The following PCDHA3 variants were observed in gnomAD, a reference collection of about 807,000 sequenced individuals.
The protein encoded by PCDHA3 is protocadherin alpha 3.
A neutral mutation model predicts 62.2 loss-of-function variants in PCDHA3; 41 were observed. The observed-to-expected ratio is 0.66, with a 90% CI of 0.51 to 0.86. The LOEUF is 0.86. Ranked by LOEUF, PCDHA3 falls within the 40% of genes least tolerant of loss-of-function variation. PCDHA3 has a pLI of 0.00. For missense variants in PCDHA3, 1,304 were observed against 1,241.2 expected (o/e 1.05, Z -0.76); for synonymous variants, 640 against 555.4 (o/e 1.15, Z -2.14).
At chr5:140,843,111 T>TGAA (rs2150352902) in intron 1 of PCDHA3, 1 of 1,595,832 alleles carries the variant, frequency 6.3e-7, no homozygotes, top group South Asian at 1.1e-5. Context: ...GTGCGCGCAG[T>TGAA]GGACGCCGAC....
chr5:140,846,589 T>G (rs1780576072), intron 1 of PCDHA3, among the ~76,000 whole-genome samples: 1 of 148,848 alleles, frequency 6.7e-6, no homozygotes, highest in Non-Finnish European at 1.5e-5. Context: ...TTAGCCAGGA[T>G]GGTCTCGATC....
Position 140,842,470 on chromosome 5 carries a change from G to T in PCDHA3, c.2394+38879G>T, listed in dbSNP as rs2150336906. 2.9e-5 allele frequency: 47 copies of T among 1,613,802 alleles called. 1 individual carries two copies. Among genetic ancestry groups the T allele is most frequent in the South Asian group, 2.4e-4 (22 of 91,082 alleles). ...ACGACCTCGATTCAGGTGCCAACGG[G>T]CAGGTGACCTGCTCCCTGATGCCCC... is the stretch of plus-strand genomic sequence containing the variant. On this transcript the variant is annotated intron_variant, in intron 1 of 3. Transcript: ENST00000522353.
intron 1 of PCDHA3, chr5:140,834,773 T>G (rs1773277984): frequency 1.9e-6 from 3 of 1,613,730 alleles, no homozygotes; most frequent in African/African-American, 1.3e-5. Flanking sequence ...ACGACAACCC[T>G]CCGGTGTTCC....
intron 1 of PCDHA3, chr5:140,842,195 C>T (rs1165859216): frequency 1.9e-6 from 3 of 1,613,558 alleles, no homozygotes; most frequent in Non-Finnish European, 2.5e-6. Flanking sequence ...GGTTATTGAC[C>T]ACTTTAGCAT....
At chr5:141,006,216 A>T (rs6897376) in intron 3 of PCDHA3, among the ~76,000 whole-genome samples, 45,154 of 145,800 alleles carry the variant, frequency 0.31, 6,982 homozygotes, top group East Asian at 0.44. Context: ...ATTTTTTTTT[A>T]AATTTTTTAT....
chr5:140,830,040 T>C lies in PCDHA3; in HGVS notation c.2394+26449T>C, dbSNP rs2150180125. The C allele has an allele frequency of 2.5e-6, 4 of 1,613,666 alleles. No homozygotes were observed. The African/African-American group carries it at 4.0e-5, about 16-fold the overall frequency. On this transcript the variant is annotated intron_variant, in intron 1 of 3. Coordinates refer to ENST00000522353, the MANE Select transcript of PCDHA3 (RefSeq NM_018906.3). Reference sequence around the variant, plus strand: ...TCTCCGCGCCACCGGCTGCTGGTGCTGGTGAAAGACCACGGTGAGCCGGCG... The same window carrying C: ...TCTCCGCGCCACCGGCTGCTGGTGCCGGTGAAAGACCACGGTGAGCCGGCG...
chr5:140,866,006 A>AT (rs879985909), intron 1 of PCDHA3: 11 of 151,858 alleles, frequency 7.2e-5, no homozygotes, highest in East Asian at 1.9e-4. Context: ...ATGTTAAGTG[A>AT]TTTTTTTCTT....
chr5:140,970,774 A>G (rs1554232727), intron 1 of PCDHA3, among the ~76,000 whole-genome samples: 2 of 152,218 alleles, frequency 1.3e-5, no homozygotes, highest in Admixed American at 1.3e-4. Context: ...TGCTGTACAT[A>G]CATATTGTAT....
At chr5:140,823,206 T>C (rs1554129194) in intron 1 of PCDHA3, 13 of 1,613,806 alleles carry the variant, frequency 8.1e-6, no homozygotes, top group Non-Finnish European at 1.1e-5. Context: ...TCACGGTGTC[T>C]GCACGGGACG....
rs2150254480 is a variant in PCDHA3 at position 140,836,166 on chromosome 5, C to G, written c.2394+32575C>G. 9 of 1,613,708 alleles carry G rather than the reference C, an allele frequency of 5.6e-6. No homozygotes were observed. The African/African-American group carries it at 1.1e-4, about 19-fold the overall frequency. ...CGCGGGCCATGTGGTGGCGAAGGTA[C>G]GTGCAGTTGACGCTGACTCAGGCTA... On this transcript the variant is annotated intron_variant, in intron 1 of 3. Transcript: ENST00000522353.
intron 1 of PCDHA3, chr5:140,868,931 G>C: frequency 9.2e-7 from 1 of 1,092,440 alleles, no homozygotes; most frequent in Non-Finnish European, 1.3e-6. Context: ...TCATTTAAAG[G>C]TTGGTCTGAA....
In PCDHA3 at chr5:140,802,607, G is replaced by A. The variant is rs782607988; in HGVS notation, c.1410G>A (p.Pro470=). The change falls in exon 1 of 4, where the codon CCG becomes CCA. Residue 470 remains proline (P), a synonymous_variant. Transcript: ENST00000522353. ...YTVFVKENNP[P]GCHIFTVSAR... ...TGTTCGTGAAGGAGAACAACCCGCC[G>A]GGCTGCCACATCTTCACGGTGTCTG... The A allele has an allele frequency of 6.8e-6, 11 of 1,613,944 alleles. No homozygotes were observed. The highest frequency in any genetic ancestry group is 1.7e-5 in the Admixed American group (1 of 60,008).
intron 1 of PCDHA3, among the ~76,000 whole-genome samples, chr5:140,833,934 C>T (rs2150212235): frequency 1.3e-5 from 2 of 152,148 alleles, no homozygotes; most frequent in Admixed American, 1.3e-4. Context: ...CATGTTGTCA[C>T]TTAGGTTTCT....
In PCDHA3 at chr5:140,807,837, G is replaced by T. The variant is rs782293476; in HGVS notation, c.2394+4246G>T. The T allele has an allele frequency of 3.1e-6, 5 of 1,614,048 alleles. No individual in the cohort carries two copies. Among genetic ancestry groups the T allele is most frequent in the Non-Finnish European group, 3.4e-6 (4 of 1,180,042 alleles). On this transcript the variant is annotated intron_variant, in intron 1 of 3. Coordinates refer to ENST00000522353, the MANE Select transcript of PCDHA3 (RefSeq NM_018906.3). ...TTTTTAGTGCTCACAGCCACTGATG[G>T]AGGCAAACCCGAGTTGACTGGCACC...
chr5:140,813,314 A>G (rs2126645586), intron 1 of PCDHA3: 7 of 152,222 alleles, frequency 4.6e-5, no homozygotes, highest in Non-Finnish European at 4.4e-5. Flanking sequence ...CTGTGCAAAC[A>G]TGAGAGTGTA....
At chr5:140,878,107 A>G in intron 1 of PCDHA3, 1 of 256,418 alleles carries the variant, frequency 3.9e-6, no homozygotes, top group Non-Finnish European at 7.2e-6. Context: ...AACCTTGAAA[A>G]AAACAGTATA....
rs782205253 is a variant in PCDHA3, at chr5:140,927,557, T to C, written c.2395-51392T>C. 12 of 1,614,028 alleles carry C rather than the reference T, an allele frequency of 7.4e-6. No homozygotes were observed. In the East Asian group the frequency reaches 2.7e-4, roughly 36 times the overall value. On this transcript the variant is annotated intron_variant, in intron 1 of 3. Coordinates refer to ENST00000522353, the MANE Select transcript of PCDHA3 (RefSeq NM_018906.3). ...TCAGGAGACGCACAAGTCACCATCATTGTGGTGGACACAAATGACAACGCG... is the reference window on the plus strand; with the variant it reads ...TCAGGAGACGCACAAGTCACCATCACTGTGGTGGACACAAATGACAACGCG...
chr5:141,003,457 G>A (rs769049189), intron 3 of PCDHA3, among the ~76,000 whole-genome samples: 1 of 152,136 alleles, frequency 6.6e-6, no homozygotes, highest in Non-Finnish European at 1.5e-5. Flanking sequence ...AATTACAGGC[G>A]TGCACCACCA....
At chr5:140,982,694 A>G in intron 3 of PCDHA3, 131 bp downstream of exon 3, 1 of 1,402,998 alleles carries the variant, frequency 7.1e-7, no homozygotes, top group Non-Finnish European at 9.4e-7. Flanking sequence ...TTCCATACAT[A>G]CATGATTTCC....
Sources: allele counts gnomAD v4.1 joint callset (sites outside exome capture counted in the v4.1 genomes callset), GRCh38; gene constraint gnomAD v4.1.1; transcripts MANE v1.5; gene names NCBI Gene and HGNC (gene_info 2026-07-23, HGNC 2026-07-21).